Variants in PLXNA4 observed in about 807,000 individuals in gnomAD.
The protein encoded by PLXNA4 is plexin A4.
A neutral mutation model predicts 191.8 loss-of-function variants in PLXNA4; 44 were observed. The ratio of observed to expected loss-of-function variants is 0.23; its 90% CI spans 0.18 to 0.29. The LOEUF (loss-of-function observed/expected upper bound fraction) is 0.29, where lower values mean the gene tolerates loss of function less well. PLXNA4 is among the 10% of genes least tolerant of loss of function. PLXNA4 has a pLI of 1.00. For missense variants in PLXNA4, 1,800 were observed against 2,488.8 expected (o/e 0.72, Z 5.89); for synonymous variants, 1,082 against 1,009.5 (o/e 1.07, Z -1.36).
At chr7:132,214,980 C>T (rs1204319106) in intron 9 of PLXNA4, among the ~76,000 whole-genome samples, 1 of 152,160 alleles carries the variant, frequency 6.6e-6, no homozygotes, top group East Asian at 1.9e-4. Context: ...GTTCTTTCCT[C>T]CTCTTTCCTC....
intron 2 of PLXNA4, among the ~76,000 whole-genome samples, chr7:132,583,254 C>G (rs1802441168): frequency 6.6e-6 from 1 of 152,166 alleles, no homozygotes; most frequent in African/African-American, 2.4e-5. Context: ...CACCAAGCAC[C>G]AGGCCCAGTG....
intron 2 of PLXNA4, among the ~76,000 whole-genome samples, chr7:132,620,766 A>G (rs543751763): frequency 6.6e-6 from 1 of 152,206 alleles, no homozygotes; most frequent in Admixed American, 6.5e-5. Flanking sequence ...ATCCGCTCAT[A>G]TAACTCTACC....
chr7:132,623,407 T>C (rs1035507980), intron 2 of PLXNA4, among the ~76,000 whole-genome samples: 1 of 151,662 alleles, frequency 6.6e-6, no homozygotes, highest in Non-Finnish European at 1.5e-5. Context: ...AAAATTAAAG[T>C]CTTCATACCC....
intron 3 of PLXNA4, chr7:132,385,026 A>T: frequency 2.1e-6 from 3 of 1,436,522 alleles, no homozygotes; most frequent in Non-Finnish European, 2.7e-6. Context: ...GCAGAGACAC[A>T]TTCTCCAAAG....
intron 1 of PLXNA4, among the ~76,000 whole-genome samples, chr7:132,562,918 TCCTCCTCCTCTC>T (rs1563174983): frequency 6.4e-5 from 6 of 93,286 alleles, no homozygotes; most frequent in Admixed American, 1.0e-4. Flanking sequence ...CTCCTCTTCC[TCCTCCTCCTCTC>T]CCTCCTCCTC....
At chr7:132,503,179 C>G (rs374125405) in intron 2 of PLXNA4, among the ~76,000 whole-genome samples, 2 of 152,168 alleles carry the variant, frequency 1.3e-5, no homozygotes, top group African/African-American at 2.4e-5. Context: ...GTTCCCATCA[C>G]CCAGGCCATA....
chr7:132,315,116 CA>C (rs1472300862), intron 3 of PLXNA4, among the ~76,000 whole-genome samples: 1 of 152,152 alleles, frequency 6.6e-6, no homozygotes, highest in African/African-American at 2.4e-5. Context: ...CTAAGTGAGC[CA>C]GGGGAGGATG....
chr7:132,314,570 G>T (rs1179554352), intron 3 of PLXNA4, among the ~76,000 whole-genome samples: 1 of 152,186 alleles, frequency 6.6e-6, no homozygotes, highest in Non-Finnish European at 1.5e-5. Flanking sequence ...GGAAGAGGAA[G>T]GAAAGGGTGG....
intron 30 of PLXNA4, among the ~76,000 whole-genome samples, chr7:132,138,885 CCAGCCCTTCA>C (rs1795187859): frequency 6.6e-6 from 1 of 152,320 alleles, no homozygotes; most frequent in African/African-American, 2.4e-5. Context: ...ATAAATGTTC[CCAGCCCTTCA>C]CAGCCCTGGT....
rs74382950 is a variant in PLXNA4 at position 132,493,680 on chromosome 7, T to G, written c.1189-4206A>C. 9.3e-3 allele frequency among the ~76,000 whole-genome samples: 1,410 copies of G among 151,380 alleles called. 19 individuals carry two copies. Among genetic ancestry groups the G allele is most frequent in the African/African-American group, 0.033 (1,346 of 41,266 alleles). On this transcript the variant is annotated intron_variant, in intron 2 of 31. Transcript: ENST00000321063. ...GCTTATAATAGGCTAATACAATGGA[T>G]GGATAGATGGATGGATGGATAGGTG...
At chr7:132,262,020 T>TA (rs1354200537) in intron 4 of PLXNA4, among the ~76,000 whole-genome samples, 1 of 152,176 alleles carries the variant, frequency 6.6e-6, no homozygotes, top group Non-Finnish European at 1.5e-5. Flanking sequence ...TTCTCAGCTG[T>TA]AAAATGAGAG....
At position 132,125,730 on chromosome 7, in the gene PLXNA4, C is replaced by CGG. The variant is rs374987793; in HGVS notation, c.*4747_*4748dup. On this transcript the variant is annotated 3_prime_UTR_variant, in exon 32 of 32. Transcript: ENST00000321063. ...TGTAGACGAGGACCAGGAGGGATGG[C>CGG]GGGGGGGGATTTGGGGCATGGGGAG... The CGG allele has an allele frequency of 2.2e-3, 325 of 149,290 alleles. 2 individuals are homozygous for CGG. The highest frequency in any genetic ancestry group is 7.8e-3 in the African/African-American group (312 of 40,092). 9.2% of individuals were successfully genotyped at this position (149,290 alleles called of 1,614,324 possible).
intron 3 of PLXNA4, among the ~76,000 whole-genome samples, chr7:132,390,888 G>C (rs1351943778): frequency 1.3e-5 from 2 of 152,186 alleles, no homozygotes; most frequent in Non-Finnish European, 2.9e-5. Flanking sequence ...GTTGAAAAAT[G>C]ATGTCTGTAA....
At chr7:132,135,991 G>T (rs1795101007) in intron 30 of PLXNA4, among the ~76,000 whole-genome samples, 1 of 152,150 alleles carries the variant, frequency 6.6e-6, no homozygotes, top group Non-Finnish European at 1.5e-5. Context: ...CAGTGTCTGT[G>T]GGTGTGGGGC....
At chr7:132,328,466 C>CG (rs910779187) in intron 3 of PLXNA4, among the ~76,000 whole-genome samples, 6 of 152,060 alleles carry the variant, frequency 3.9e-5, no homozygotes, top group South Asian at 2.1e-4. Context: ...CTAATAGGAG[C>CG]GGGGGGGCCT....
chr7:132,148,099 G>A, intron 26 of PLXNA4, 100 bp from the exon 27 acceptor site: 1 of 1,571,660 alleles, frequency 6.4e-7, no homozygotes, highest in Non-Finnish European at 8.7e-7. Context: ...GGAAATTGGT[G>A]CCTTGCTGGA....
chr7:132,314,218 T>G lies in PLXNA4; in HGVS notation c.1372-15996A>C, dbSNP rs546416269. ...ACAGAACCAAACAAAAGTCTCATTT[T>G]GCACCAAAATTTTCACAATTTTTGC... On this transcript the variant is annotated intron_variant, in intron 3 of 31. Coordinates refer to ENST00000321063, the MANE Select transcript of PLXNA4 (RefSeq NM_020911.2). Among the ~76,000 whole-genome samples, 19 of 152,332 alleles carry G rather than the reference T, an allele frequency of 1.2e-4. No homozygotes were observed. In the South Asian group the frequency reaches 3.7e-3, roughly 30 times the overall value.
chr7:132,461,724 C>A (rs1484964308), intron 3 of PLXNA4, among the ~76,000 whole-genome samples: 1 of 152,198 alleles, frequency 6.6e-6, no homozygotes. Flanking sequence ...GCCTCAGGCT[C>A]CCCTCCTGTA....
chr7:132,618,684 T>C (rs954366591), intron 2 of PLXNA4, among the ~76,000 whole-genome samples: 1 of 152,216 alleles, frequency 6.6e-6, no homozygotes, highest in African/African-American at 2.4e-5. Flanking sequence ...GCCAGAAAAG[T>C]AGCAGAAGGT....
Sources: gnomAD v4.1 joint callset for allele counts (sites outside exome capture counted in the v4.1 genomes callset) on GRCh38, gnomAD v4.1.1 for gene constraint, MANE v1.5 for transcripts, NCBI Gene and HGNC (gene_info 2026-07-23, HGNC 2026-07-21) for gene names.